CMSS1: variants seen among roughly 807,000 people sequenced by gnomAD.
The protein encoded by CMSS1 is protein CMSS1.
A neutral mutation model predicts 43.5 loss-of-function variants in CMSS1; 33 were observed. The observed-to-expected ratio is 0.76, with a 90% confidence interval of 0.57 to 1.01. CMSS1 has a LOEUF of 1.01. Ranked by LOEUF, CMSS1 falls within the 50% of genes least tolerant of loss-of-function variation. The pLI, the probability that CMSS1 is intolerant of heterozygous loss-of-function variation, is 0.00. For synonymous variants in CMSS1, 115 were observed against 117.2 expected, an observed-to-expected ratio of 0.98 and a Z score of 0.12; for missense variants, 313 against 326.4, an observed-to-expected ratio of 0.96 and a Z score of 0.32.
intron 1 of CMSS1, among the ~76,000 whole-genome samples, chr3:100,096,435 G>A (rs1193439520): frequency 6.6e-6 from 1 of 152,164 alleles, no homozygotes; most frequent in Non-Finnish European, 1.5e-5. Context: ...AGCCATAAAA[G>A]ATAATGAGAT....
At chr3:99,927,760 G>T (rs1217992745) in intron 1 of CMSS1, among the ~76,000 whole-genome samples, 7 of 151,982 alleles carry the variant, frequency 4.6e-5, no homozygotes, top group Non-Finnish European at 1.0e-4. Flanking sequence ...AGAACCCTAG[G>T]CTGGAAAGGA....
intron 1 of CMSS1, among the ~76,000 whole-genome samples, chr3:100,050,055 A>C (rs1251583462): frequency 6.6e-6 from 1 of 152,176 alleles, no homozygotes; most frequent in Non-Finnish European, 1.5e-5. Context: ...CTAGTGGCCT[A>C]AGTGAAAAGG....
chr3:100,132,076 C>T (rs1474291153), intron 1 of CMSS1, among the ~76,000 whole-genome samples: 6 of 151,940 alleles, frequency 3.9e-5, no homozygotes, highest in Admixed American at 6.6e-5. Context: ...ATCTGTAAAT[C>T]GAAAGTCATA....
chr3:99,930,025 C>T lies in CMSS1; in HGVS notation c.64+111982C>T, dbSNP rs755586670. On this transcript the variant is annotated intron_variant, in intron 1 of 9. Transcript: ENST00000421999. ...CTTTAAAATGCCTATGACCTCATCT[C>T]GAGCCTGTAGGAACAAAAAGTATTT... is the stretch of plus-strand genomic sequence containing the variant. 1.1e-5 allele frequency: 18 copies of T among 1,604,102 alleles called. No individual in the cohort carries two copies. The Admixed American group carries it at 2.4e-4, about 22-fold the overall frequency.
chr3:100,035,957 G>A (rs897915967), intron 1 of CMSS1, among the ~76,000 whole-genome samples: 7 of 152,178 alleles, frequency 4.6e-5, no homozygotes, highest in African/African-American at 1.7e-4. Context: ...ATGAGACATA[G>A]TCCTTATTCT....
chr3:99,935,684 C>T (rs755714025), intron 1 of CMSS1, among the ~76,000 whole-genome samples: 1 of 152,160 alleles, frequency 6.6e-6, no homozygotes, highest in African/African-American at 2.4e-5. Flanking sequence ...TTTGAAGTCC[C>T]GGGATTTCCC....
At chr3:100,103,038 G>A (rs1456567097) in intron 1 of CMSS1, among the ~76,000 whole-genome samples, 4 of 152,224 alleles carry the variant, frequency 2.6e-5, no homozygotes, top group Non-Finnish European at 5.9e-5. Flanking sequence ...AGGCTTGGGA[G>A]ACTAAGTGCT....
chr3:99,886,248 G>A (rs1186377104), intron 1 of CMSS1, among the ~76,000 whole-genome samples: 3 of 68,774 alleles, frequency 4.4e-5, no homozygotes, highest in African/African-American at 6.2e-5. Flanking sequence ...GGTGAGAGGG[G>A]AATGAGTGTA....
chr3:100,028,660 T>C (rs563082805), intron 1 of CMSS1, among the ~76,000 whole-genome samples: 1 of 152,304 alleles, frequency 6.6e-6, no homozygotes, highest in East Asian at 1.9e-4. Context: ...GAGACAATAA[T>C]GGAATAGCAT....
intron 1 of CMSS1, among the ~76,000 whole-genome samples, chr3:100,120,076 C>T (rs2066607089): frequency 6.6e-6 from 1 of 152,174 alleles, no homozygotes; most frequent in African/African-American, 2.4e-5. Flanking sequence ...ATGAGGAAAA[C>T]ATGTTCTTGA....
At chr3:100,112,165 T>A (rs1453096405) in intron 1 of CMSS1, among the ~76,000 whole-genome samples, 1 of 152,234 alleles carries the variant, frequency 6.6e-6, no homozygotes, top group Non-Finnish European at 1.5e-5. Flanking sequence ...AGGCACTAGT[T>A]CTACTCTAAG....
intron 1 of CMSS1, chr3:100,041,026 G>A (rs1032536330): frequency 1.3e-5 from 2 of 152,090 alleles, no homozygotes; most frequent in Non-Finnish European, 2.9e-5. Context: ...CAAATCCCAC[G>A]CTTTACAGTT....
chr3:99,883,457 A>G (rs1192848133), intron 1 of CMSS1, among the ~76,000 whole-genome samples: 1 of 152,174 alleles, frequency 6.6e-6, no homozygotes, highest in Admixed American at 6.5e-5. Flanking sequence ...AGATTATTTC[A>G]TCATGATTAT....
chr3:100,051,061 T>A (rs2065363345), intron 1 of CMSS1, among the ~76,000 whole-genome samples: 1 of 150,904 alleles, frequency 6.6e-6, no homozygotes. Context: ...AAAGTGATAT[T>A]TTATTAGTAT....
chr3:100,142,668 T>G (rs1357192488), intron 1 of CMSS1, among the ~76,000 whole-genome samples: 1 of 152,216 alleles, frequency 6.6e-6, no homozygotes, highest in Non-Finnish European at 1.5e-5. Flanking sequence ...TTAAGATCAT[T>G]CATTGATTTT....
intron 1 of CMSS1, among the ~76,000 whole-genome samples, chr3:100,069,579 T>C (rs2065726174): frequency 6.6e-6 from 1 of 152,208 alleles, no homozygotes; most frequent in Non-Finnish European, 1.5e-5. Context: ...TAGTGGTTCC[T>C]TCAGGCTTCA....
At chr3:99,872,068 T>A (rs998462877) in intron 1 of CMSS1, among the ~76,000 whole-genome samples, 2 of 152,106 alleles carry the variant, frequency 1.3e-5, no homozygotes, top group Admixed American at 1.3e-4. Context: ...TCTCCTCTCT[T>A]CCTAGCACTA....
chr3:99,835,626 A>C (rs1315517126), intron 1 of CMSS1, among the ~76,000 whole-genome samples: 7 of 152,248 alleles, frequency 4.6e-5, no homozygotes, highest in African/African-American at 1.7e-4. Flanking sequence ...GAAACTCTGC[A>C]AAGTCATATG....
intron 1 of CMSS1, among the ~76,000 whole-genome samples, chr3:100,039,495 A>G (rs562691825): frequency 2.6e-5 from 4 of 152,190 alleles, no homozygotes; most frequent in Admixed American, 1.3e-4. Context: ...AGTAAAATTT[A>G]TTTCAAATTA....
Sources: allele counts gnomAD v4.1 joint callset (sites outside exome capture counted in the v4.1 genomes callset), GRCh38; gene constraint gnomAD v4.1.1; transcripts MANE v1.5; gene names NCBI Gene and HGNC (gene_info 2026-07-23, HGNC 2026-07-21).